UBAC2: variants seen among roughly 807,000 people sequenced by gnomAD.
UBAC2 encodes the protein UBA domain containing 2.
Under a neutral mutation model 44.0 loss-of-function variants are expected in UBAC2, and 26 were observed. That is an observed-to-expected ratio of 0.59 (90% confidence interval 0.43 to 0.82). The LOEUF (loss-of-function observed/expected upper bound fraction) is 0.82. UBAC2 is among the 40% of genes least tolerant of loss of function. The pLI is 0.00. For synonymous variants in UBAC2, 155 were observed against 154.3 expected, an observed-to-expected ratio of 1.00 and a Z score of -0.04; for missense variants, 329 against 419.4, an observed-to-expected ratio of 0.78 and a Z score of 1.88.
chr13:99,267,284 T>C (rs901432769), intron 4 of UBAC2, among the ~76,000 whole-genome samples: 1 of 152,214 alleles, frequency 6.6e-6, no homozygotes, highest in Non-Finnish European at 1.5e-5. Flanking sequence ...ATCAGATGAT[T>C]TGCAAATATT....
intron 4 of UBAC2, chr13:99,258,425 A>C (rs2138636411): frequency 6.6e-6 from 1 of 152,210 alleles, no homozygotes; most frequent in African/African-American, 2.4e-5. Context: ...TCACCTTATG[A>C]CTTTACCCTG....
At chr13:99,298,708 T>C (rs1418063566) in intron 4 of UBAC2, among the ~76,000 whole-genome samples, 2 of 152,172 alleles carry the variant, frequency 1.3e-5, no homozygotes, top group African/African-American at 4.8e-5. Context: ...GAGTGGTTCT[T>C]AAATAGAAAA....
chr13:99,351,732 A>G, intron 7 of UBAC2: 1 of 456,752 alleles, frequency 2.2e-6, no homozygotes, highest in Non-Finnish European at 4.4e-6. Context: ...GGTGAAGCCC[A>G]GTGTGAATGA....
chr13:99,201,915 C>T (rs2042806475), intron 1 of UBAC2, among the ~76,000 whole-genome samples: 1 of 151,764 alleles, frequency 6.6e-6, no homozygotes, highest in Non-Finnish European at 1.5e-5. Flanking sequence ...CTACTAAAAA[C>T]ACAAAAAATT....
At chr13:99,381,576 C>A (rs2045552522) in intron 8 of UBAC2, among the ~76,000 whole-genome samples, 1 of 152,184 alleles carries the variant, frequency 6.6e-6, no homozygotes, top group Non-Finnish European at 1.5e-5. Flanking sequence ...GGAAGGAAGG[C>A]AGGCCAGCTC....
At chr13:99,303,482 G>A (rs2044285759) in intron 4 of UBAC2, among the ~76,000 whole-genome samples, 1 of 152,188 alleles carries the variant, frequency 6.6e-6, no homozygotes, top group African/African-American at 2.4e-5. Context: ...ATATTGAAAA[G>A]TATGGAAGTT....
intron 1 of UBAC2, among the ~76,000 whole-genome samples, chr13:99,233,550 G>A (rs181484862): frequency 3.9e-5 from 6 of 152,262 alleles, no homozygotes; most frequent in Admixed American, 2.0e-4. Flanking sequence ...CAGAGCAGGC[G>A]TTGAGGGCCC....
At chr13:99,239,814 TA>T (rs2043279832) in intron 2 of UBAC2, among the ~76,000 whole-genome samples, 2 of 152,328 alleles carry the variant, frequency 1.3e-5, no homozygotes, top group South Asian at 4.1e-4. Flanking sequence ...TTGGGAAATC[TA>T]AACACACGCA....
chr13:99,215,403 A>G (rs1252270571), intron 1 of UBAC2: 11 of 1,277,286 alleles, frequency 8.6e-6, no homozygotes, highest in East Asian at 4.6e-5. Context: ...TTTCTTCCCA[A>G]TCAGAGATTT....
chr13:99,314,317 T>C, intron 5 of UBAC2, 97 bp downstream of exon 5: 1 of 1,370,916 alleles, frequency 7.3e-7, no homozygotes, highest in Non-Finnish European at 9.7e-7. Context: ...AAAACAATGG[T>C]TTTTTTCCCC....
At chr13:99,286,368 T>G (rs565794870) in intron 4 of UBAC2, among the ~76,000 whole-genome samples, 1 of 152,322 alleles carries the variant, frequency 6.6e-6, no homozygotes, top group Non-Finnish European at 1.5e-5. Context: ...TCAAAGAACA[T>G]TGTGTGTGTG....
chr13:99,217,185 C>T (rs976001640), intron 1 of UBAC2, among the ~76,000 whole-genome samples: 1 of 152,140 alleles, frequency 6.6e-6, no homozygotes, highest in African/African-American at 2.4e-5. Context: ...GGGGCTTGTT[C>T]CCCACTTCAG....
intron 4 of UBAC2, among the ~76,000 whole-genome samples, chr13:99,247,668 C>G (rs1456978394): frequency 6.6e-6 from 1 of 152,124 alleles, no homozygotes; most frequent in South Asian, 2.1e-4. Flanking sequence ...TGGGTCGATA[C>G]GTGCAGCAAA....
chr13:99,267,509 G>A (rs1346932066), intron 4 of UBAC2, among the ~76,000 whole-genome samples: 1 of 152,278 alleles, frequency 6.6e-6, no homozygotes, highest in Non-Finnish European at 1.5e-5. Flanking sequence ...GACTTAAGCC[G>A]AAGCAGTATT....
chr13:99,384,932 G>A (rs550629261), intron 8 of UBAC2, among the ~76,000 whole-genome samples: 5 of 152,318 alleles, frequency 3.3e-5, no homozygotes, highest in East Asian at 1.9e-4. Context: ...AGCTCATGCC[G>A]ACCTGCTTCC....
chr13:99,366,177 T>C (rs1042988938), intron 7 of UBAC2, among the ~76,000 whole-genome samples: 13 of 152,206 alleles, frequency 8.5e-5, no homozygotes, highest in Non-Finnish European at 1.3e-4. Context: ...TTTCTCATAA[T>C]ACCTTATTCT....
At chr13:99,202,395 G>A (rs571749504) in intron 1 of UBAC2, among the ~76,000 whole-genome samples, 141 of 152,292 alleles carry the variant, frequency 9.3e-4, no homozygotes, top group Admixed American at 1.5e-3. Flanking sequence ...AGGCAATGTG[G>A]TTTTCCTGGG....
chr13:99,246,607 A>T (rs2043386567), intron 4 of UBAC2, among the ~76,000 whole-genome samples: 1 of 152,228 alleles, frequency 6.6e-6, no homozygotes, highest in South Asian at 2.1e-4. Context: ...TGCACATGGA[A>T]TCGAATGACA....
chr13:99,339,639 A>AT (rs60996118), intron 6 of UBAC2, among the ~76,000 whole-genome samples: 68,143 of 149,130 alleles, frequency 0.46, 15,654 homozygotes, highest in African/African-American at 0.55. Context: ...TCACATCAAG[A>AT]TTTTTTTTTT....
Sources: gnomAD v4.1 joint callset for allele counts (sites outside exome capture counted in the v4.1 genomes callset) on GRCh38, gnomAD v4.1.1 for gene constraint, MANE v1.5 for transcripts, NCBI Gene and HGNC (gene_info 2026-07-23, HGNC 2026-07-21) for gene names.